The following NRXN3 variants were observed in gnomAD, a reference collection of about 807,000 sequenced individuals.
NRXN3 encodes the protein neurexin 3.
A neutral mutation model predicts 137.6 loss-of-function variants in NRXN3; 32 were observed. That is an observed-to-expected ratio of 0.23 (90% CI 0.18 to 0.31). The LOEUF is 0.31. NRXN3 is among the 10% of genes least tolerant of loss of function. The pLI is 1.00. For synonymous variants in NRXN3, 798 were observed against 784.5 expected (o/e 1.02, Z -0.29); for missense variants, 1,574 against 2,062.5 (o/e 0.76, Z 4.59).
intron 15 of NRXN3, among the ~76,000 whole-genome samples, chr14:79,120,566 G>T (rs911401333): frequency 5.9e-5 from 9 of 152,010 alleles, no homozygotes; most frequent in African/African-American, 2.2e-4. Flanking sequence ...GAAAAGCAGG[G>T]AGAGTGTGAG....
chr14:79,433,418 A>T (rs1056590353), intron 15 of NRXN3, among the ~76,000 whole-genome samples: 4 of 152,110 alleles, frequency 2.6e-5, no homozygotes, highest in African/African-American at 9.7e-5. Context: ...TTCAATGCCG[A>T]AAGGTTTTGC....
chr14:79,403,181 G>C (rs1271521429), intron 15 of NRXN3, among the ~76,000 whole-genome samples: 1 of 152,110 alleles, frequency 6.6e-6, no homozygotes, highest in Non-Finnish European at 1.5e-5. Flanking sequence ...AAATCTGGAG[G>C]CTGGGACCCA....
intron 10 of NRXN3, among the ~76,000 whole-genome samples, chr14:78,938,538 G>A (rs901898305): frequency 6.6e-6 from 1 of 152,094 alleles, no homozygotes; most frequent in Non-Finnish European, 1.5e-5. Context: ...ATAATCCTAC[G>A]TGGATGTGGA....
At chr14:78,620,595 A>T (rs1253167986) in intron 4 of NRXN3, among the ~76,000 whole-genome samples, 2 of 152,182 alleles carry the variant, frequency 1.3e-5, no homozygotes, top group African/African-American at 2.4e-5. Flanking sequence ...GCATCTGAGA[A>T]TCAGAATATA....
At chr14:78,875,713 T>C (rs1034295444) in intron 10 of NRXN3, among the ~76,000 whole-genome samples, 1 of 152,234 alleles carries the variant, frequency 6.6e-6, no homozygotes, top group Non-Finnish European at 1.5e-5. Context: ...TGAAAATGCT[T>C]TCTCAACCCA....
intron 18 of NRXN3, among the ~76,000 whole-genome samples, chr14:79,697,062 G>A (rs2098738210): frequency 6.6e-6 from 1 of 151,940 alleles, no homozygotes; most frequent in South Asian, 2.1e-4. Context: ...TTGGTGACTA[G>A]AAATGATACG....
chr14:79,169,337 C>T (rs914816150), intron 15 of NRXN3, among the ~76,000 whole-genome samples: 5 of 152,080 alleles, frequency 3.3e-5, no homozygotes, highest in African/African-American at 7.2e-5. Flanking sequence ...AAGATTCTAC[C>T]TGCAGCCTCA....
intron 7 of NRXN3, among the ~76,000 whole-genome samples, chr14:78,713,298 C>G (rs1465028032): frequency 6.6e-6 from 1 of 152,158 alleles, no homozygotes; most frequent in Non-Finnish European, 1.5e-5. Context: ...TGCTCACCCC[C>G]TCTTGCCTTC....
At chr14:79,225,955 C>A (rs374511197) in intron 15 of NRXN3, among the ~76,000 whole-genome samples, 1 of 152,056 alleles carries the variant, frequency 6.6e-6, no homozygotes, top group Non-Finnish European at 1.5e-5. Flanking sequence ...TTTAAAGACT[C>A]ATGTGATTAG....
intron 19 of NRXN3, among the ~76,000 whole-genome samples, chr14:79,716,420 G>T (rs2098823872): frequency 6.6e-6 from 1 of 152,158 alleles, no homozygotes; most frequent in East Asian, 1.9e-4. Flanking sequence ...GTAATATCAA[G>T]AAACCTTTTA....
rs142878221 is a variant in NRXN3 at position 78,978,652 on chromosome 14, A to C, written c.3143-9370A>C. On this transcript the variant is annotated intron_variant, in intron 14 of 20. Coordinates refer to ENST00000335750, the MANE Select transcript of NRXN3 (RefSeq NM_001330195.2). The stretch of plus-strand genomic sequence containing the variant: ...CCTTATTATCAGGAATACCCTCTGT[A>C]TTAGTTAGGGTTCTCCAGAGAGGTA... 2.1e-3 allele frequency among the ~76,000 whole-genome samples: 322 copies of C among 150,258 alleles called. 1 individual carries two copies. Among genetic ancestry groups the C allele is most frequent in the Middle Eastern group, 3.5e-3 (1 of 282 alleles).
intron 16 of NRXN3, among the ~76,000 whole-genome samples, chr14:79,595,845 A>C (rs1377033725): frequency 6.6e-6 from 1 of 152,190 alleles, no homozygotes; most frequent in Non-Finnish European, 1.5e-5. Flanking sequence ...TGTGGTTCAC[A>C]TTATGTTTCT....
At chr14:78,305,241 C>T (rs1199847621) in intron 4 of NRXN3, among the ~76,000 whole-genome samples, 1 of 152,048 alleles carries the variant, frequency 6.6e-6, no homozygotes, top group African/African-American at 2.4e-5. Context: ...AGAGAATGAC[C>T]TGGGAGAGAG....
rs17108499 is a variant in NRXN3, at chr14:78,993,524, C to T, written c.3262+5383C>T. Among the ~76,000 whole-genome samples the T allele has an allele frequency of 9.3e-3, 1,418 of 152,252 alleles. 17 individuals carry two copies. The highest frequency in any genetic ancestry group is 0.029 in the African/African-American group (1,191 of 41,544). On this transcript the variant is annotated intron_variant, in intron 15 of 20. Transcript: ENST00000335750. ...TTGTTTTCAGACTCTACCTGCCCAG[C>T]GAATAGGCCATATGTAAGAAGTTCA... is the stretch of plus-strand genomic sequence containing the variant.
intron 16 of NRXN3, among the ~76,000 whole-genome samples, chr14:79,525,609 G>A (rs554798434): frequency 2.0e-4 from 30 of 152,114 alleles, no homozygotes; most frequent in Admixed American, 3.3e-4. Flanking sequence ...TATCACTGAA[G>A]GGCTCTTCCT....
intron 2 of NRXN3, among the ~76,000 whole-genome samples, chr14:78,251,886 G>T (rs1234855966): frequency 6.6e-6 from 1 of 152,136 alleles, no homozygotes; most frequent in Non-Finnish European, 1.5e-5. Context: ...GGAGTGGGGG[G>T]TTTGCTGGGA....
chr14:78,930,313 A>T (rs1293515460), intron 10 of NRXN3, among the ~76,000 whole-genome samples: 2 of 152,216 alleles, frequency 1.3e-5, no homozygotes, highest in African/African-American at 4.8e-5. Context: ...TTAACAAGAA[A>T]ATCCATGTTC....
At chr14:78,213,125 T>C (rs1294899721) in intron 1 of NRXN3, among the ~76,000 whole-genome samples, 1 of 152,152 alleles carries the variant, frequency 6.6e-6, no homozygotes, top group African/African-American at 2.4e-5. Context: ...CAAATAGTTC[T>C]TGATAGTTTA....
intron 16 of NRXN3, among the ~76,000 whole-genome samples, chr14:79,519,866 A>T (rs954097428): frequency 8.2e-5 from 11 of 134,890 alleles, no homozygotes; most frequent in African/African-American, 3.1e-4. Context: ...AGATTTTTTT[A>T]ATTTTCAATG....
Sources: gnomAD v4.1 joint callset for allele counts (sites outside exome capture counted in the v4.1 genomes callset) on GRCh38, gnomAD v4.1.1 for gene constraint, MANE v1.5 for transcripts, NCBI Gene and HGNC (gene_info 2026-07-23, HGNC 2026-07-21) for gene names.